The following LRRC8C variants were observed in gnomAD, a reference collection of about 807,000 sequenced individuals.
LRRC8C encodes volume-regulated anion channel subunit LRRC8C.
A neutral mutation model predicts 55.3 loss-of-function variants in LRRC8C; 20 were observed. The observed-to-expected ratio is 0.36, with a 90% CI of 0.25 to 0.53. LRRC8C has a LOEUF of 0.53. Among genes scored for constraint, LRRC8C ranks in the 20% least tolerant of loss-of-function variants. The pLI is 0.92. For missense variants in LRRC8C, 659 were observed against 951.4 expected, an observed-to-expected ratio of 0.69 and a Z score of 4.04; for synonymous variants, 376 against 360.7, an observed-to-expected ratio of 1.04 and a Z score of -0.48.
chr1:89,678,834 A>T (rs1223073409), intron 1 of LRRC8C, among the ~76,000 whole-genome samples: 1 of 152,142 alleles, frequency 6.6e-6, no homozygotes, highest in Non-Finnish European at 1.5e-5. Context: ...TAGACTTGCT[A>T]TTTACTGAAT....
chr1:89,675,296 A>G (rs1657521398), intron 1 of LRRC8C, among the ~76,000 whole-genome samples: 1 of 152,256 alleles, frequency 6.6e-6, no homozygotes, highest in African/African-American at 2.4e-5. Flanking sequence ...AGAAAACTGT[A>G]AATTCCAGAA....
chr1:89,644,751 A>G (rs1178006545), intron 1 of LRRC8C, among the ~76,000 whole-genome samples: 1 of 152,208 alleles, frequency 6.6e-6, no homozygotes. Flanking sequence ...ACTCTTACCA[A>G]ATCTTTGCCT....
At chr1:89,689,194 G>A (rs1043929522) in intron 2 of LRRC8C, among the ~76,000 whole-genome samples, 1 of 152,212 alleles carries the variant, frequency 6.6e-6, no homozygotes, top group Non-Finnish European at 1.5e-5. Flanking sequence ...ATGTTAAGGT[G>A]AACCTAGAAA....
chr1:89,660,146 T>A (rs1253087095), intron 1 of LRRC8C, among the ~76,000 whole-genome samples: 2 of 152,116 alleles, frequency 1.3e-5, no homozygotes, highest in African/African-American at 4.8e-5. Flanking sequence ...ATGGGTGGTG[T>A]CCAGGTAAGT....
chr1:89,701,081 A>G (rs1658304864), intron 2 of LRRC8C, among the ~76,000 whole-genome samples: 1 of 152,202 alleles, frequency 6.6e-6, no homozygotes, highest in South Asian at 2.1e-4. Context: ...CAGGAGTTCA[A>G]GACTAGCCTA....
intron 2 of LRRC8C, among the ~76,000 whole-genome samples, chr1:89,709,055 C>A (rs540938769): frequency 1.3e-5 from 2 of 152,256 alleles, no homozygotes; most frequent in South Asian, 2.1e-4. Context: ...CAAAAAATAT[C>A]TTCATGAAGG....
chr1:89,640,753 T>C (rs901153318), intron 1 of LRRC8C, among the ~76,000 whole-genome samples: 2 of 152,178 alleles, frequency 1.3e-5, no homozygotes, highest in Admixed American at 6.5e-5. Flanking sequence ...GGATCTGAGT[T>C]GGGTGTTTTA....
intron 2 of LRRC8C, among the ~76,000 whole-genome samples, chr1:89,700,669 C>T (rs377137730): frequency 5.3e-5 from 8 of 152,112 alleles, no homozygotes; most frequent in Middle Eastern, 3.2e-3. Context: ...TGGTTTGTTC[C>T]GTCAGACTGG....
At position 89,714,947 on chromosome 1, in the gene LRRC8C, C is replaced by T. The variant is rs1409220525; in HGVS notation, c.2377C>T (p.Pro793Ser). The change falls in exon 3 of 3, where the codon CCT (proline) becomes TCT (serine). Residue 793 changes from proline to serine, a missense_variant. Pro to Ser is a moderately conservative substitution (Grantham distance 74, BLOSUM62 -1). This residue lies in a region of LRRC8C where 344 missense variants were observed against 464.6 expected (regional missense o/e 0.74). Coordinates refer to ENST00000370454, the MANE Select transcript of LRRC8C (RefSeq NM_032270.5). The surrounding 1 kb of genome is among the most constrained non-coding windows in gnomAD (Gnocchi z 4.6). ...VVEDALFETL[P>S]SDVREQMKTE The stretch of plus-strand genomic sequence containing the variant: ...AGAAGATGCTCTGTTTGAAACTCTG[C>T]CTTCTGACGTCCGGGAGCAAATGAA... The T allele has an allele frequency of 1.3e-6, 2 of 1,589,642 alleles. No individual in the cohort carries two copies. Among genetic ancestry groups the T allele is most frequent in the Non-Finnish European group, 1.7e-6 (2 of 1,171,642 alleles).
At chr1:89,666,906 T>C (rs1163826348) in intron 1 of LRRC8C, among the ~76,000 whole-genome samples, 1 of 152,100 alleles carries the variant, frequency 6.6e-6, no homozygotes, top group Non-Finnish European at 1.5e-5. Flanking sequence ...GAAGTATAAC[T>C]AAATGAGTAA....
intron 2 of LRRC8C, among the ~76,000 whole-genome samples, chr1:89,698,986 A>G (rs560302533): frequency 2.0e-5 from 3 of 152,252 alleles, no homozygotes; most frequent in African/African-American, 7.2e-5. Flanking sequence ...AAAAAAAAAG[A>G]AATTAAAAAA....
the LRRC8C span, chr1:89,625,243 T>C: frequency 1.3e-5 from 2 of 151,798 alleles, no homozygotes; most frequent in African/African-American, 4.9e-5. Context: ...AATATCTATG[T>C]ATAAAATTCT....
intron 2 of LRRC8C, among the ~76,000 whole-genome samples, chr1:89,696,725 A>G (rs1658185743): frequency 6.6e-6 from 1 of 152,100 alleles, no homozygotes; most frequent in Non-Finnish European, 1.5e-5. Context: ...TCCCAAGGAG[A>G]AACAACCCCT....
At chr1:89,625,034 C>A in the LRRC8C span, 2 of 152,102 alleles carry the variant, frequency 1.3e-5, no homozygotes, top group South Asian at 4.2e-4. Flanking sequence ...ATTAGAGGAA[C>A]GGCTCTCTCA....
At position 89,716,140 on chromosome 1, in the gene LRRC8C, T is replaced by A. The variant is rs1658812029; in HGVS notation, c.*1158T>A. The A allele has an allele frequency of 6.6e-6, 1 of 152,234 alleles. No homozygotes were observed. The highest frequency in any genetic ancestry group is 2.1e-4 in the South Asian group (1 of 4,838). The allele number at this position is 152,234 out of a possible 1,614,324, so 9.4% of individuals were successfully genotyped here. A position where few individuals can be genotyped will look rare whatever the true frequency, so the allele number is the denominator to read the frequency against. ...TCCCTAAACAATACAGCGTAACAAC[T>A]ATTTAAATAGGATTTACATTGTTTT... On this transcript the variant is annotated 3_prime_UTR_variant, in exon 3 of 3. Transcript: ENST00000370454.
intron 1 of LRRC8C, among the ~76,000 whole-genome samples, chr1:89,655,685 A>G (rs1276661196): frequency 6.6e-6 from 1 of 152,204 alleles, no homozygotes; most frequent in Non-Finnish European, 1.5e-5. Context: ...AGCAAGAGCC[A>G]GAGGGGGCAA....
rs1658735151 is a variant in LRRC8C at position 89,714,073 on chromosome 1, T to C, written c.1503T>C (p.Asp501=). Residue 501 remains aspartate (D), a synonymous_variant, in exon 3 of 3, where the codon GAT becomes GAC. Transcript: ENST00000370454. This position sits in a 1 kb window ranked among gnomAD's most constrained non-coding sequence, Gnocchi z 4.6. ...ENLKVLSVKF[D]DMRELPPWMY... is the part of the protein sequence containing the mutation. The stretch of plus-strand genomic sequence containing the variant: ...TCAAGGTCTTGAGCGTCAAGTTTGA[T>C]GACATGAGGGAACTCCCCCCCTGGA... 1 of 1,613,936 alleles carries C rather than the reference T, an allele frequency of 6.2e-7. No individual in the cohort carries two copies.
At chr1:89,694,330 G>A (rs1178022066) in intron 2 of LRRC8C, among the ~76,000 whole-genome samples, 1 of 152,102 alleles carries the variant, frequency 6.6e-6, no homozygotes, top group Non-Finnish European at 1.5e-5. Flanking sequence ...ATTCCAGGGA[G>A]AAAAAAGTGA....
intron 2 of LRRC8C, among the ~76,000 whole-genome samples, chr1:89,705,208 G>C (rs1403253113): frequency 6.9e-6 from 1 of 144,310 alleles, no homozygotes; most frequent in Non-Finnish European, 1.5e-5. Context: ...TCACTCATAG[G>C]TGGGAATTGA....
Sources: allele counts gnomAD v4.1 joint callset (sites outside exome capture counted in the v4.1 genomes callset), GRCh38; gene constraint gnomAD v4.1.1; regional missense constraint gnomAD v4.1.1; non-coding constraint Gnocchi (gnomAD v3.1); transcripts MANE v1.5; gene names NCBI Gene and HGNC (gene_info 2026-07-23, HGNC 2026-07-21).